The following GRM5 variants were observed in gnomAD, a reference collection of about 807,000 sequenced individuals.
The protein encoded by GRM5 is glutamate metabotropic receptor 5.
A neutral mutation model predicts 83.1 loss-of-function variants in GRM5; 19 were observed. The ratio of observed to expected loss-of-function variants is 0.23; its 90% CI spans 0.16 to 0.34. GRM5 has a LOEUF of 0.34. Ranked by LOEUF, GRM5 falls within the 10% of genes least tolerant of loss-of-function variation. The probability of loss-of-function intolerance (pLI) is 1.00; values close to 1 mark genes in which losing one functional copy is unlikely to be tolerated. For synonymous variants in GRM5, 675 were observed against 633.6 expected, an observed-to-expected ratio of 1.07 and a Z score of -0.98; for missense variants, 1,160 against 1,588.3, an observed-to-expected ratio of 0.73 and a Z score of 4.58.
intron 3 of GRM5, among the ~76,000 whole-genome samples, chr11:88,715,415 C>T (rs1254591897): frequency 1.5e-5 from 2 of 129,506 alleles, no homozygotes; most frequent in African/African-American, 5.7e-5. Flanking sequence ...ATATCCCTCC[C>T]TGATGGCATT....
At chr11:89,025,448 C>T (rs752246729) in intron 2 of GRM5, among the ~76,000 whole-genome samples, 2 of 152,044 alleles carry the variant, frequency 1.3e-5, no homozygotes, top group Non-Finnish European at 2.9e-5. Context: ...AGTCAATATA[C>T]TCTACACTCT....
chr11:88,871,450 G>C (rs972962930), intron 2 of GRM5, among the ~76,000 whole-genome samples: 1 of 151,540 alleles, frequency 6.6e-6, no homozygotes, highest in Admixed American at 6.6e-5. Flanking sequence ...AGTGTTAAAT[G>C]CCATAATGCA....
intron 8 of GRM5, among the ~76,000 whole-genome samples, chr11:88,565,411 T>G (rs1226324776): frequency 1.3e-5 from 2 of 152,222 alleles, no homozygotes; most frequent in Non-Finnish European, 2.9e-5. Context: ...CTGCCACCAC[T>G]CCATGCTGTC....
intron 2 of GRM5, among the ~76,000 whole-genome samples, chr11:89,013,006 G>A (rs1158867454): frequency 2.6e-5 from 4 of 152,066 alleles, no homozygotes; most frequent in Non-Finnish European, 5.9e-5. Context: ...AGATAGCAAC[G>A]GAACATTCAT....
chr11:88,887,569 C>T (rs556765466), intron 2 of GRM5, among the ~76,000 whole-genome samples: 298 of 152,250 alleles, frequency 2.0e-3, no homozygotes, highest in South Asian at 3.9e-3. Context: ...GCAGTCATGC[C>T]TGCAACTATG....
chr11:89,044,261 T>C (rs1300061876), intron 2 of GRM5, among the ~76,000 whole-genome samples: 1 of 152,194 alleles, frequency 6.6e-6, no homozygotes. Context: ...TTTGATCTGC[T>C]CTTTAAAAAA....
intron 2 of GRM5, among the ~76,000 whole-genome samples, chr11:88,988,025 G>A (rs1300077829): frequency 6.6e-6 from 1 of 151,528 alleles, no homozygotes; most frequent in Non-Finnish European, 1.5e-5. Flanking sequence ...ACTTTGACGA[G>A]CTGAGAGAAG....
intron 2 of GRM5, among the ~76,000 whole-genome samples, chr11:88,932,073 A>G (rs1937725505): frequency 6.6e-6 from 1 of 152,112 alleles, no homozygotes; most frequent in Non-Finnish European, 1.5e-5. Flanking sequence ...GATGTAGGGA[A>G]GGAAGTCTCA....
At chr11:88,617,457 G>A (rs1052220752) in intron 4 of GRM5, among the ~76,000 whole-genome samples, 6 of 152,170 alleles carry the variant, frequency 3.9e-5, no homozygotes, top group Non-Finnish European at 5.9e-5. Context: ...CAGCCAAATC[G>A]TGGAACTGTG....
intron 3 of GRM5, among the ~76,000 whole-genome samples, chr11:88,792,539 C>T (rs184149341): frequency 2.0e-4 from 30 of 152,188 alleles, no homozygotes; most frequent in Middle Eastern, 6.8e-3. Flanking sequence ...AAAGAAATGA[C>T]AGTAACATTA....
intron 3 of GRM5, among the ~76,000 whole-genome samples, chr11:88,841,598 C>G (rs1944203016): frequency 6.6e-6 from 1 of 152,106 alleles, no homozygotes; most frequent in Non-Finnish European, 1.5e-5. Flanking sequence ...CATACGTTTC[C>G]TTTTCTTTCG....
intron 3 of GRM5, among the ~76,000 whole-genome samples, chr11:88,762,505 G>C (rs1298007736): frequency 2.6e-5 from 4 of 151,460 alleles, no homozygotes; most frequent in African/African-American, 9.7e-5. Context: ...CACTCAGAAT[G>C]TATTATTAAA....
intron 8 of GRM5, among the ~76,000 whole-genome samples, chr11:88,540,536 C>T (rs1942242708): frequency 6.6e-6 from 1 of 151,820 alleles, no homozygotes; most frequent in Non-Finnish European, 1.5e-5. Context: ...GGAATGACAC[C>T]CAGGGAGAGA....
chr11:88,826,291 T>G (rs1220947735), intron 3 of GRM5, among the ~76,000 whole-genome samples: 1 of 152,124 alleles, frequency 6.6e-6, no homozygotes. Context: ...GTTTCTTCAT[T>G]GTACTTACCA....
chr11:89,023,712 T>C (rs1240249790), intron 2 of GRM5, among the ~76,000 whole-genome samples: 1 of 151,442 alleles, frequency 6.6e-6, no homozygotes, highest in Non-Finnish European at 1.5e-5. Context: ...TATTCAGGCA[T>C]AGTGGCACAT....
intron 3 of GRM5, among the ~76,000 whole-genome samples, chr11:88,665,234 C>T (rs576646137): frequency 6.8e-6 from 1 of 147,896 alleles, no homozygotes; most frequent in Non-Finnish European, 1.5e-5. Context: ...CTACCTGAAT[C>T]GTCAAATAGA....
chr11:88,755,055 T>G (rs960284563), intron 3 of GRM5, among the ~76,000 whole-genome samples: 3 of 152,204 alleles, frequency 2.0e-5, no homozygotes, highest in Non-Finnish European at 4.4e-5. Flanking sequence ...AATGAAATAT[T>G]ATATTGAAGA....
chr11:88,888,375 T>C (rs1260554543), intron 2 of GRM5, among the ~76,000 whole-genome samples: 2 of 152,048 alleles, frequency 1.3e-5, no homozygotes, highest in East Asian at 3.9e-4. Flanking sequence ...AAAGAGAAGA[T>C]AGAGAAAGTG....
At chr11:88,809,094 T>C (rs915086006) in intron 3 of GRM5, among the ~76,000 whole-genome samples, 5 of 152,062 alleles carry the variant, frequency 3.3e-5, no homozygotes, top group African/African-American at 1.2e-4. Context: ...TCTTTTTTAA[T>C]TCACAAGTTA....
Sources: gnomAD v4.1 joint callset for allele counts (sites outside exome capture counted in the v4.1 genomes callset) on GRCh38, gnomAD v4.1.1 for gene constraint, MANE v1.5 for transcripts, NCBI Gene and HGNC (gene_info 2026-07-23, HGNC 2026-07-21) for gene names.